GRTP1: variants seen among roughly 807,000 people sequenced by gnomAD.
GRTP1 encodes growth hormone-regulated TBC protein 1.
A neutral mutation model predicts 38.1 loss-of-function variants in GRTP1; 56 were observed. The ratio of observed to expected loss-of-function variants is 1.47; its 90% CI spans 1.19 to 1.84. The LOEUF is 1.84. Ranked by LOEUF, GRTP1 falls within the 40% of genes most tolerant of loss-of-function variation. The pLI is 0.00. For missense variants in GRTP1, 506 were observed against 453.9 expected (o/e 1.11, Z -1.04); for synonymous variants, 217 against 189.5 (o/e 1.14, Z -1.19).
intron 3 of GRTP1, among the ~76,000 whole-genome samples, chr13:113,354,691 GC>G (rs1320249047): frequency 7.2e-5 from 11 of 152,106 alleles, no homozygotes; most frequent in African/African-American, 2.7e-4. Context: ...ACCACGCCCG[GC>G]TATTTTGTAT....
At chr13:113,329,470 C>A (rs556801015) in intron 5 of GRTP1, among the ~76,000 whole-genome samples, 3 of 152,270 alleles carry the variant, frequency 2.0e-5, no homozygotes, top group African/African-American at 4.8e-5. Flanking sequence ...CCCAGCTACT[C>A]AGCTACTCAG....
intron 5 of GRTP1, among the ~76,000 whole-genome samples, chr13:113,327,178 AT>A (rs987803874): frequency 6.6e-6 from 1 of 152,138 alleles, no homozygotes; most frequent in African/African-American, 2.4e-5. Context: ...GTAATGAGTT[AT>A]AGTACATTTT....
At chr13:113,352,242 ATT>A (rs1413852372) in intron 3 of GRTP1, among the ~76,000 whole-genome samples, 1 of 91,272 alleles carries the variant, frequency 1.1e-5, no homozygotes, top group East Asian at 4.1e-4. Flanking sequence ...TTATATATAT[ATT>A]TATATATATT....
Position 113,326,066 on chromosome 13 carries a change from G to A in GRTP1, c.588C>T (p.Gly196=), listed in dbSNP as rs769140645. 6.2e-7 allele frequency: 1 copy of A among 1,610,968 alleles called. No individual in the cohort carries two copies. The highest frequency in any genetic ancestry group is 8.5e-7 in the Non-Finnish European group (1 of 1,179,974). The change falls in exon 6 of 8, where the codon GGC becomes GGT. Residue 196 remains glycine (G), a synonymous_variant. Transcript: ENST00000375431. The part of the protein sequence containing the change: ...LPDYYSPAML[G]LKTDQEVLGE... ...CGAGGACCTCCTGGTCGGTCTTCAG[G>A]CCCAGCATGGCCGGGCTGTAGTAAT...
intron 2 of GRTP1, among the ~76,000 whole-genome samples, chr13:113,360,900 C>T (rs950365778): frequency 2.0e-5 from 3 of 152,110 alleles, no homozygotes; most frequent in African/African-American, 7.2e-5. Context: ...CACTGGAGCT[C>T]AGGAGTTCGA....
intron 5 of GRTP1, among the ~76,000 whole-genome samples, chr13:113,330,487 G>C (rs2042847658): frequency 8.7e-6 from 1 of 114,538 alleles, no homozygotes; most frequent in Non-Finnish European, 1.8e-5. Flanking sequence ...TGTGTGCATG[G>C]GAGCCCAGGT....
chr13:113,338,929 T>C (rs2042991767), intron 5 of GRTP1, among the ~76,000 whole-genome samples: 1 of 91,238 alleles, frequency 1.1e-5, no homozygotes, highest in African/African-American at 3.4e-5. Context: ...TTTTTTTTTT[T>C]TGAGACGGAG....
intron 7 of GRTP1, 84 bp downstream of exon 7, chr13:113,325,577 C>T: frequency 6.2e-7 from 1 of 1,606,164 alleles, no homozygotes; most frequent in Non-Finnish European, 8.5e-7. Context: ...CCTGTGCACC[C>T]TCCGGGTGGT....
Position 113,325,659 on chromosome 13 carries a change from A to C in GRTP1, c.921+2T>G, listed in dbSNP as rs746486791. 17 of 1,613,622 alleles carry C rather than the reference A, an allele frequency of 1.1e-5. No homozygotes were observed. Among genetic ancestry groups the C allele is most frequent in the Non-Finnish European group, 1.4e-5 (16 of 1,179,966 alleles). Reference sequence around the variant, plus strand: ...GACTGAGCCACGTGCAGCCCCACACACCTGCATAAACGTGTGACACTCCAT... The same window carrying C: ...GACTGAGCCACGTGCAGCCCCACACCCCTGCATAAACGTGTGACACTCCAT... On this transcript the variant is annotated splice_donor_variant, in intron 7 of 7. Transcript: ENST00000375431. LOFTEE classifies it high-confidence loss of function.
At chr13:113,340,479 T>TA (rs1299501406) in intron 5 of GRTP1, among the ~76,000 whole-genome samples, 2 of 142,938 alleles carry the variant, frequency 1.4e-5, no homozygotes, top group Non-Finnish European at 3.1e-5. Context: ...ACCCTGTCTC[T>TA]AAAAAATACA....
At chr13:113,325,076 C>T (rs999943910) in intron 7 of GRTP1, 99 of 975,090 alleles carry the variant, frequency 1.0e-4, no homozygotes, top group Non-Finnish European at 1.2e-4. Context: ...GTGATCCACA[C>T]GCCTTGGCCT....
At chr13:113,353,514 G>A (rs930761897) in intron 3 of GRTP1, among the ~76,000 whole-genome samples, 1 of 152,226 alleles carries the variant, frequency 6.6e-6, no homozygotes, top group Non-Finnish European at 1.5e-5. Context: ...TGCAGAGGAC[G>A]CAGCCCACGG....
rs1397048457 is a variant in GRTP1 at position 113,349,377 on chromosome 13, G to T, written c.465+1472C>A. 1.3e-5 allele frequency among the ~76,000 whole-genome samples: 2 copies of T among 152,172 alleles called. No individual in the cohort carries two copies. The highest frequency in any genetic ancestry group is 2.9e-5 in the Non-Finnish European group (2 of 68,024). On this transcript the variant is annotated intron_variant, in intron 4 of 7. Coordinates refer to ENST00000375431, the MANE Select transcript of GRTP1 (RefSeq NM_024719.4). This position sits in a 1 kb window ranked among gnomAD's most constrained non-coding sequence, Gnocchi z 5.0. ...CTAATTTTTAAAAATATTTTGTAGA[G>T]ATGGAGTCTTGCCACCTTGCCCAGG... is the stretch of plus-strand genomic sequence containing the variant.
intron 5 of GRTP1, among the ~76,000 whole-genome samples, chr13:113,336,066 A>G (rs534107095): frequency 1.0e-3 from 158 of 152,286 alleles, no homozygotes; most frequent in African/African-American, 3.7e-3. Context: ...TGCTGGGATT[A>G]CAGGCGACAG....
chr13:113,326,260 C>G, intron 5 of GRTP1, 169 bp from the exon 6 acceptor site: 1 of 330,542 alleles, frequency 3.0e-6, no homozygotes, highest in Non-Finnish European at 4.3e-6. Context: ...AGACACAGGG[C>G]TCATGGGGAG....
At chr13:113,329,527 TGAGCCGAGATCG>T (rs1180181109) in intron 5 of GRTP1, among the ~76,000 whole-genome samples, 4 of 152,122 alleles carry the variant, frequency 2.6e-5, no homozygotes, top group South Asian at 2.1e-4. Context: ...AAGGTTGCAG[TGAGCCGAGATCG>T]TGCCACTGCA....
At chr13:113,325,459 G>A in intron 7 of GRTP1, 1 of 1,449,350 alleles carries the variant, frequency 6.9e-7, no homozygotes, top group Non-Finnish European at 9.0e-7. Context: ...CCAGGGCCAA[G>A]AAGACAGGGC....
chr13:113,345,119 T>A, intron 4 of GRTP1, 160 bp from the exon 5 acceptor site: 1 of 298,470 alleles, frequency 3.4e-6, no homozygotes, highest in Non-Finnish European at 5.0e-6. Context: ...CTAGAGTCAC[T>A]AAATACCTAC....
chr13:113,349,356 T>A lies in GRTP1; in HGVS notation c.465+1493A>T, dbSNP rs1056773546. Among the ~76,000 whole-genome samples, 3 of 151,448 alleles carry A rather than the reference T, an allele frequency of 2.0e-5. No homozygotes were observed. Among genetic ancestry groups the A allele is most frequent in the African/African-American group, 7.3e-5 (3 of 41,174 alleles). ...GGCGTGTGCCACCACACCCCGCTAATTTTTAAAAATATTTTGTAGAGATGG... is the reference window on the plus strand; with the variant it reads ...GGCGTGTGCCACCACACCCCGCTAAATTTTAAAAATATTTTGTAGAGATGG... On this transcript the variant is annotated intron_variant, in intron 4 of 7. Coordinates refer to ENST00000375431, the MANE Select transcript of GRTP1 (RefSeq NM_024719.4). This position sits in a 1 kb window ranked among gnomAD's most constrained non-coding sequence, Gnocchi z 5.0.
Sources: gnomAD v4.1 joint callset for allele counts (sites outside exome capture counted in the v4.1 genomes callset) on GRCh38, gnomAD v4.1.1 for gene constraint, Gnocchi (gnomAD v3.1) non-coding constraint, MANE v1.5 for transcripts, NCBI Gene and HGNC (gene_info 2026-07-23, HGNC 2026-07-21) for gene names.